The following LPGAT1 variants were observed in gnomAD, a reference collection of about 807,000 sequenced individuals.
The protein encoded by LPGAT1 is lysophosphatidylglycerol acyltransferase 1, also known as acyl-CoA:lysophosphatidylglycerol acyltransferase 1.
Under a neutral mutation model 47.5 loss-of-function variants are expected in LPGAT1, and 11 were observed. The observed-to-expected ratio is 0.23, with a 90% CI of 0.15 to 0.38. The LOEUF (loss-of-function observed/expected upper bound fraction) is 0.38. LPGAT1 is among the 10% of genes least tolerant of loss of function. The pLI is 1.00. For missense variants in LPGAT1, 293 were observed against 439.0 expected, an observed-to-expected ratio of 0.67 and a Z score of 2.97; for synonymous variants, 138 against 144.2, an observed-to-expected ratio of 0.96 and a Z score of 0.31.
At chr1:211,815,805 G>A (rs571206157) in intron 2 of LPGAT1, among the ~76,000 whole-genome samples, 4 of 125,654 alleles carry the variant, frequency 3.2e-5, no homozygotes, top group South Asian at 5.3e-4. Context: ...TTGAGACTGA[G>A]TCTTGCTCTG....
intron 6 of LPGAT1, among the ~76,000 whole-genome samples, chr1:211,768,897 G>T (rs927116572): frequency 6.6e-5 from 10 of 152,284 alleles, no homozygotes; most frequent in African/African-American, 2.4e-4. Flanking sequence ...CGTGGAGGAG[G>T]AAACAGTCAG....
chr1:211,786,764 CTTAT>C (rs747700227), intron 4 of LPGAT1, among the ~76,000 whole-genome samples: 1 of 152,108 alleles, frequency 6.6e-6, no homozygotes. Context: ...ATTACATTAA[CTTAT>C]TTATTAATTT....
intron 4 of LPGAT1, among the ~76,000 whole-genome samples, chr1:211,785,021 T>C (rs1006630412): frequency 3.3e-5 from 5 of 152,248 alleles, no homozygotes; most frequent in South Asian, 4.1e-4. Context: ...GCCAGGATGG[T>C]CTCGATCTCC....
At chr1:211,812,848 T>C (rs926861185) in intron 2 of LPGAT1, among the ~76,000 whole-genome samples, 1 of 152,198 alleles carries the variant, frequency 6.6e-6, no homozygotes, top group Non-Finnish European at 1.5e-5. Flanking sequence ...CCAGAACCTC[T>C]GGAGGGATCT....
chr1:211,754,346 TCCTGGCTTTC>T (rs1025532821), intron 6 of LPGAT1, among the ~76,000 whole-genome samples: 3 of 152,218 alleles, frequency 2.0e-5, no homozygotes, highest in African/African-American at 7.2e-5. Context: ...TAAGGTTGGC[TCCTGGCTTTC>T]CCACAGCTGG....
At chr1:211,767,119 T>C (rs1657951450) in intron 6 of LPGAT1, among the ~76,000 whole-genome samples, 1 of 152,142 alleles carries the variant, frequency 6.6e-6, no homozygotes, top group South Asian at 2.1e-4. Flanking sequence ...CCATCCTGAA[T>C]GACATCAAAC....
chr1:211,744,560 T>C lies in LPGAT1; in HGVS notation c.*5339A>G, dbSNP rs1384511360. 2.0e-5 allele frequency: 3 copies of C among 152,240 alleles called. No homozygotes were observed. Among genetic ancestry groups the C allele is most frequent in the Non-Finnish European group, 2.9e-5 (2 of 68,026 alleles). The allele number at this position is 152,240 out of a possible 1,614,324, so 9.4% of individuals were successfully genotyped here. On this transcript the variant is annotated 3_prime_UTR_variant, in exon 8 of 8. Coordinates refer to ENST00000366997, the MANE Select transcript of LPGAT1 (RefSeq NM_014873.3). The stretch of plus-strand genomic sequence containing the variant: ...AGGAGTTGAGCAAAAAGCAATTAAG[T>C]ATCCTTTTAAAAAAGCATTTTAGTT...
intron 2 of LPGAT1, 34 bp downstream of exon 2, chr1:211,829,025 C>T (rs748571763): frequency 1.9e-6 from 3 of 1,600,488 alleles, no homozygotes; most frequent in African/African-American, 1.3e-5. Flanking sequence ...CAAATTTTTT[C>T]TTATGCATTA....
intron 6 of LPGAT1, among the ~76,000 whole-genome samples, chr1:211,776,748 G>GAA (rs201207999): frequency 2.2e-4 from 24 of 109,434 alleles, no homozygotes; most frequent in South Asian, 6.2e-4. Context: ...CTTAACTGCA[G>GAA]AAAAAAAAAA....
At chr1:211,752,715 T>C (rs1167852545) in intron 6 of LPGAT1, among the ~76,000 whole-genome samples, 1 of 152,230 alleles carries the variant, frequency 6.6e-6, no homozygotes, top group Non-Finnish European at 1.5e-5. Context: ...TAGAAAGGTG[T>C]TGAAATTTTG....
At chr1:211,806,476 T>C (rs2105322) in intron 2 of LPGAT1, among the ~76,000 whole-genome samples, 148,284 of 152,178 alleles carry the variant, frequency 0.97, 72,261 homozygotes, top group East Asian at 1. Flanking sequence ...ACATTGGATA[T>C]GCACAGACAC....
At chr1:211,775,422 C>A (rs1030260063) in intron 6 of LPGAT1, among the ~76,000 whole-genome samples, 5 of 152,110 alleles carry the variant, frequency 3.3e-5, no homozygotes, top group Admixed American at 6.6e-5. Context: ...TATTGCATAA[C>A]AATGTAATAT....
rs752732866 is a variant in LPGAT1, at chr1:211,829,284, A to G, written c.13T>C (p.Leu5=). 20 of 1,614,064 alleles carry G rather than the reference A, an allele frequency of 1.2e-5. No homozygotes were observed. The highest frequency in any genetic ancestry group is 1.6e-5 in the Non-Finnish European group (19 of 1,180,038). The change falls in exon 2 of 8, where the codon TTG becomes CTG. Residue 5 remains leucine (L), a synonymous_variant. Transcript: ENST00000366997. ...CAGCCCAGCCACGGAGCTTCTTCCAAAGTTATAGCCATTCTCACACTGGAC... is the reference window on the plus strand; with the variant it reads ...CAGCCCAGCCACGGAGCTTCTTCCAGAGTTATAGCCATTCTCACACTGGAC... The part of the protein sequence containing the change: MAIT[L]EEAPWLGWLL...
intron 2 of LPGAT1, among the ~76,000 whole-genome samples, chr1:211,814,939 G>A (rs4951429): frequency 0.98 from 148,572 of 152,328 alleles, 72,468 homozygotes; most frequent in East Asian, 1. Flanking sequence ...TGCATTCAGC[G>A]GGTCCCTGCA....
chr1:211,803,865 AT>A (rs1659663895), intron 2 of LPGAT1, among the ~76,000 whole-genome samples: 1 of 151,582 alleles, frequency 6.6e-6, no homozygotes, highest in Non-Finnish European at 1.5e-5. Flanking sequence ...TGTTCAAACA[AT>A]TCTCCTACCA....
chr1:211,760,446 A>G (rs1040339055), intron 6 of LPGAT1, among the ~76,000 whole-genome samples: 2 of 151,896 alleles, frequency 1.3e-5, no homozygotes, highest in African/African-American at 4.8e-5. Flanking sequence ...CAATAGCAAA[A>G]CTCCGTCCCC....
rs1292140588 is a variant in LPGAT1 at position 211,744,843 on chromosome 1, T to C, written c.*5056A>G. The C allele has an allele frequency of 2.6e-5, 4 of 152,628 alleles. No individual in the cohort carries two copies. The highest frequency in any genetic ancestry group is 5.9e-5 in the Non-Finnish European group (4 of 68,064). 9.5% of individuals were successfully genotyped at this position (152,628 alleles called of 1,614,324 possible). ...AACCAAAGAAGGAAGTCTGATGTTT[T>C]TTCATTTGGTTTTTCAGTTTGCCTT... On this transcript the variant is annotated 3_prime_UTR_variant, in exon 8 of 8. Transcript: ENST00000366997.
intron 4 of LPGAT1, 96 bp from the exon 5 acceptor site, chr1:211,783,598 A>G (rs1372628673): frequency 8.3e-7 from 1 of 1,207,030 alleles, no homozygotes; most frequent in Admixed American, 2.4e-5. Flanking sequence ...TTAAAATCCA[A>G]TCACAGAATA....
At chr1:211,818,533 T>G (rs909085873) in intron 2 of LPGAT1, among the ~76,000 whole-genome samples, 1 of 152,184 alleles carries the variant, frequency 6.6e-6, no homozygotes, top group African/African-American at 2.4e-5. Context: ...TAAGACAAAA[T>G]AAAACAGATC....
Sources: allele counts gnomAD v4.1 joint callset (sites outside exome capture counted in the v4.1 genomes callset), GRCh38; gene constraint gnomAD v4.1.1; transcripts MANE v1.5; gene names NCBI Gene and HGNC (gene_info 2026-07-23, HGNC 2026-07-21).